PIAS1: variants seen among roughly 807,000 people sequenced by gnomAD.
PIAS1 encodes the protein E3 SUMO-protein ligase PIAS1.
PIAS1 carries 6 observed loss-of-function variants against 71.3 expected under a neutral mutation model. The observed-to-expected ratio is 0.08, with a 90% CI of 0.05 to 0.17. PIAS1 has a LOEUF of 0.17. Among genes scored for constraint, PIAS1 ranks in the 10% least tolerant of loss-of-function variants. The pLI is 1.00. For synonymous variants in PIAS1, 303 were observed against 292.9 expected (o/e 1.03, Z -0.35); for missense variants, 555 against 793.6 (o/e 0.70, Z 3.61).
chr15:68,065,558 A>G (rs1007394053), intron 1 of PIAS1, among the ~76,000 whole-genome samples: 5 of 150,524 alleles, frequency 3.3e-5, no homozygotes, highest in Non-Finnish European at 5.9e-5. Context: ...CTGCACTCCA[A>G]CTGGGTGACA....
intron 1 of PIAS1, among the ~76,000 whole-genome samples, chr15:68,073,140 T>C (rs1056464573): frequency 9.9e-5 from 15 of 152,112 alleles, no homozygotes; most frequent in African/African-American, 3.6e-4. Flanking sequence ...CTCAGCCTCC[T>C]GAGTAGCTGG....
At chr15:68,177,044 C>G (rs767789371) in intron 11 of PIAS1, among the ~76,000 whole-genome samples, 1 of 152,024 alleles carries the variant, frequency 6.6e-6, no homozygotes, top group Non-Finnish European at 1.5e-5. Flanking sequence ...CTTTGGGAGG[C>G]TGAGGCAGGT....
chr15:68,176,176 A>T (rs2093019071), intron 10 of PIAS1, among the ~76,000 whole-genome samples: 2 of 152,306 alleles, frequency 1.3e-5, no homozygotes, highest in South Asian at 4.1e-4. Context: ...AGTATGTCAG[A>T]TACTATACAG....
intron 2 of PIAS1, among the ~76,000 whole-genome samples, chr15:68,088,598 A>AT (rs1352578186): frequency 1.3e-5 from 2 of 152,116 alleles, no homozygotes; most frequent in Non-Finnish European, 2.9e-5. Flanking sequence ...AAACAAACCA[A>AT]TTTAATATGC....
At chr15:68,081,160 A>G (rs937935614) in intron 1 of PIAS1, among the ~76,000 whole-genome samples, 1 of 152,198 alleles carries the variant, frequency 6.6e-6, no homozygotes, top group African/African-American at 2.4e-5. Flanking sequence ...GTGTTTTTGT[A>G]AAGTTTTACA....
intron 2 of PIAS1, among the ~76,000 whole-genome samples, chr15:68,100,490 G>A (rs1207425589): frequency 1.3e-5 from 2 of 152,128 alleles, no homozygotes; most frequent in Admixed American, 6.6e-5. Context: ...TTTAAGGGGC[G>A]GGGAGGGGGG....
chr15:68,109,735 A>C (rs979073323), intron 2 of PIAS1, among the ~76,000 whole-genome samples: 1 of 151,734 alleles, frequency 6.6e-6, no homozygotes, highest in African/African-American at 2.4e-5. Flanking sequence ...GAAACGCAAA[A>C]CTCTTTTTGG....
chr15:68,078,825 ATAT>A, intron 1 of PIAS1, among the ~76,000 whole-genome samples: 1 of 152,214 alleles, frequency 6.6e-6, no homozygotes, highest in East Asian at 1.9e-4. Context: ...TATTTAATAC[ATAT>A]TATGTTTTGT....
At chr15:68,124,524 C>T (rs1451213700) in intron 2 of PIAS1, among the ~76,000 whole-genome samples, 1 of 151,734 alleles carries the variant, frequency 6.6e-6, no homozygotes, top group Non-Finnish European at 1.5e-5. Context: ...GAGCTTGAGA[C>T]CAGTCTGGCC....
At chr15:68,101,592 C>CT (rs1175719909) in intron 2 of PIAS1, among the ~76,000 whole-genome samples, 1 of 152,184 alleles carries the variant, frequency 6.6e-6, no homozygotes, top group Non-Finnish European at 1.5e-5. Context: ...CCTCAGCCTC[C>CT]TGAGTAGCTG....
Position 68,086,069 on chromosome 15 carries a change from C to T in PIAS1, c.25-237C>T, listed in dbSNP as rs2092278697. Among the ~76,000 whole-genome samples, 1 of 152,022 alleles carries T rather than the reference C, an allele frequency of 6.6e-6. No homozygotes were observed. On this transcript the variant is annotated intron_variant, in intron 1 of 13. Transcript: ENST00000249636. This position sits in a 1 kb window ranked among gnomAD's most constrained non-coding sequence, Gnocchi z 7.2. ...GGTTTTCCCTGGTGTATACTTTATC[C>T]TATATTTCTTATAACCAAGGGTAGA...
chr15:68,117,953 A>G (rs2092579390), intron 2 of PIAS1, among the ~76,000 whole-genome samples: 1 of 152,178 alleles, frequency 6.6e-6, no homozygotes. Context: ...TGACTGTACT[A>G]ATTAACATTC....
intron 1 of PIAS1, among the ~76,000 whole-genome samples, chr15:68,066,032 G>A (rs1420699869): frequency 1.4e-5 from 2 of 143,712 alleles, no homozygotes; most frequent in Non-Finnish European, 3.0e-5. Context: ...GGAATTCAAG[G>A]TGTTGAGCCA....
chr15:68,101,260 T>C (rs2092422698), intron 2 of PIAS1, among the ~76,000 whole-genome samples: 1 of 152,178 alleles, frequency 6.6e-6, no homozygotes, highest in Non-Finnish European at 1.5e-5. Context: ...TCCTTTTATT[T>C]GTTTATTTGC....
At chr15:68,146,544 A>G in intron 5 of PIAS1, 22 bp from the exon 6 acceptor site, 1 of 1,597,534 alleles carries the variant, frequency 6.3e-7, no homozygotes, top group Non-Finnish European at 8.6e-7. Flanking sequence ...ATAAGTATAA[A>G]TAAATTACAT....
chr15:68,113,683 A>G (rs7178081), intron 2 of PIAS1, among the ~76,000 whole-genome samples: 4,390 of 152,222 alleles, frequency 0.029, 238 homozygotes, highest in African/African-American at 0.1. Flanking sequence ...TAGAATAACT[A>G]GGATAGGTAG....
intron 1 of PIAS1, among the ~76,000 whole-genome samples, chr15:68,075,641 GTTATTA>G (rs1597135822): frequency 2.0e-5 from 3 of 152,164 alleles, no homozygotes; most frequent in African/African-American, 2.4e-5. Flanking sequence ...AGAAAGGGTC[GTTATTA>G]TTAATAGGCT....
At chr15:68,141,436 A>G (rs1378526528) in intron 2 of PIAS1, among the ~76,000 whole-genome samples, 1 of 152,142 alleles carries the variant, frequency 6.6e-6, no homozygotes, top group Non-Finnish European at 1.5e-5. Flanking sequence ...GATTAGGAGA[A>G]AAACTGTATG....
chr15:68,082,562 G>C (rs1380168823), intron 1 of PIAS1, among the ~76,000 whole-genome samples: 1 of 152,124 alleles, frequency 6.6e-6, no homozygotes, highest in Non-Finnish European at 1.5e-5. Context: ...AAGTTATACA[G>C]AAAAGAGTAA....
Sources: gnomAD v4.1 joint callset for allele counts (sites outside exome capture counted in the v4.1 genomes callset) on GRCh38, gnomAD v4.1.1 for gene constraint, Gnocchi (gnomAD v3.1) non-coding constraint, MANE v1.5 for transcripts, NCBI Gene and HGNC (gene_info 2026-07-23, HGNC 2026-07-21) for gene names.